The following NRG1 variants were observed in gnomAD, a reference collection of about 807,000 sequenced individuals.
The protein encoded by NRG1 is pro-neuregulin-1, membrane-bound isoform.
Under a neutral mutation model 63.8 loss-of-function variants are expected in NRG1, and 18 were observed. That is an observed-to-expected ratio of 0.28 (90% CI 0.19 to 0.42). The LOEUF (loss-of-function observed/expected upper bound fraction) is 0.42. NRG1 is among the 10% of genes least tolerant of loss of function. The probability of loss-of-function intolerance (pLI) is 1.00; values close to 1 mark genes in which losing one functional copy is unlikely to be tolerated. For synonymous variants in NRG1, 302 were observed against 301.3 expected (o/e 1.00, Z -0.02); for missense variants, 762 against 814.7 (o/e 0.94, Z 0.79).
intron 1 of NRG1, among the ~76,000 whole-genome samples, chr8:32,204,113 A>G (rs989858129): frequency 2.0e-5 from 3 of 152,224 alleles, no homozygotes; most frequent in African/African-American, 7.2e-5. Context: ...GAGAATGGGT[A>G]TGACATGTTT....
chr8:32,426,957 A>G (rs914436210), intron 1 of NRG1, among the ~76,000 whole-genome samples: 4 of 152,072 alleles, frequency 2.6e-5, no homozygotes, highest in Non-Finnish European at 4.4e-5. Context: ...CATTTTCGCA[A>G]CAACATCAGG....
At chr8:31,933,695 ACT>A (rs1445556164) in intron 1 of NRG1, among the ~76,000 whole-genome samples, 2 of 152,068 alleles carry the variant, frequency 1.3e-5, no homozygotes, top group Non-Finnish European at 1.5e-5. Context: ...ATCTGATTCC[ACT>A]CTCTGTGCTC....
At chr8:32,048,318 T>C (rs925686316) in intron 1 of NRG1, among the ~76,000 whole-genome samples, 2 of 149,694 alleles carry the variant, frequency 1.3e-5, no homozygotes, top group East Asian at 3.9e-4. Context: ...TATATGTATG[T>C]ATATACATAT....
At chr8:32,576,115 T>C (rs145832621) in intron 1 of NRG1, among the ~76,000 whole-genome samples, 2 of 152,320 alleles carry the variant, frequency 1.3e-5, no homozygotes, top group African/African-American at 2.4e-5. Context: ...TCATCTCACA[T>C]ACCATTTGTT....
intron 1 of NRG1, among the ~76,000 whole-genome samples, chr8:31,929,962 C>T (rs4506165): frequency 6.6e-6 from 1 of 152,330 alleles, no homozygotes; most frequent in East Asian, 1.9e-4. Context: ...AAGAATTCCT[C>T]TAGGATCTGC....
chr8:32,175,113 C>T (rs1840555229), intron 1 of NRG1, among the ~76,000 whole-genome samples: 1 of 152,178 alleles, frequency 6.6e-6, no homozygotes, highest in Non-Finnish European at 1.5e-5. Context: ...TCCAGCAGCA[C>T]ATCAAAAAGC....
chr8:32,669,190 AG>A (rs1804989030), intron 5 of NRG1, among the ~76,000 whole-genome samples: 1 of 152,182 alleles, frequency 6.6e-6, no homozygotes, highest in Non-Finnish European at 1.5e-5. Flanking sequence ...GGGATTGATA[AG>A]GGAGCTGACA....
intron 7 of NRG1, among the ~76,000 whole-genome samples, chr8:32,751,825 A>G (rs569983616): frequency 6.6e-6 from 1 of 152,282 alleles, no homozygotes; most frequent in Non-Finnish European, 1.5e-5. Context: ...ACCCGTCATC[A>G]TGCACCATAT....
At position 31,726,905 on chromosome 8, in the gene NRG1, A is replaced by G. The variant is rs1446012461; in HGVS notation, c.37+87474A>G. Among the ~76,000 whole-genome samples, 3 of 152,174 alleles carry G rather than the reference A, an allele frequency of 2.0e-5. No individual in the cohort carries two copies. The South Asian group carries it at 6.2e-4, about 31-fold the overall frequency. Reference sequence around the variant, plus strand: ...GGTAGTGTCCAGAGAAGGTCTGGTTATGAGGTGTCAGAAGCCAACACTTGC... The same window carrying G: ...GGTAGTGTCCAGAGAAGGTCTGGTTGTGAGGTGTCAGAAGCCAACACTTGC... On this transcript the variant is annotated intron_variant, in intron 1 of 10. Coordinates refer to the NRG1 transcript ENST00000519301.
At chr8:32,331,721 G>C (rs1016673086) in intron 1 of NRG1, among the ~76,000 whole-genome samples, 2 of 152,140 alleles carry the variant, frequency 1.3e-5, no homozygotes, top group East Asian at 1.9e-4. Flanking sequence ...ACTGGGTTAG[G>C]GGGTGGTTAG....
intron 1 of NRG1, among the ~76,000 whole-genome samples, chr8:31,783,866 A>G (rs1218129181): frequency 6.6e-6 from 1 of 152,224 alleles, no homozygotes; most frequent in Admixed American, 6.5e-5. Context: ...ACTCATAATC[A>G]TAATGGCTAA....
chr8:32,022,637 CATTA>C (rs1816631559), intron 1 of NRG1, among the ~76,000 whole-genome samples: 1 of 152,142 alleles, frequency 6.6e-6, no homozygotes, highest in East Asian at 1.9e-4. Context: ...TTTATTGACA[CATTA>C]ATTGACAACT....
intron 1 of NRG1, among the ~76,000 whole-genome samples, chr8:31,680,248 G>A (rs1397902027): frequency 8.0e-5 from 12 of 150,876 alleles, no homozygotes; most frequent in Non-Finnish European, 1.5e-4. Flanking sequence ...CCACTAACTC[G>A]TCATCTAGCA....
At chr8:31,905,502 T>C (rs912847459) in intron 1 of NRG1, among the ~76,000 whole-genome samples, 1 of 152,200 alleles carries the variant, frequency 6.6e-6, no homozygotes, top group Admixed American at 6.5e-5. Flanking sequence ...GGGTAGATAC[T>C]TTATTAATAG....
intron 1 of NRG1, among the ~76,000 whole-genome samples, chr8:32,296,114 G>C (rs1854833531): frequency 6.6e-6 from 1 of 152,044 alleles, no homozygotes; most frequent in Admixed American, 6.6e-5. Context: ...GCATTAAGGA[G>C]CTCCTGGACA....
intron 1 of NRG1, among the ~76,000 whole-genome samples, chr8:32,019,078 C>T (rs1200656002): frequency 6.6e-6 from 1 of 152,080 alleles, no homozygotes; most frequent in Non-Finnish European, 1.5e-5. Flanking sequence ...TTGGTTTGTT[C>T]ATCTTTCTTA....
At chr8:32,512,031 G>T (rs1318328516) in intron 1 of NRG1, among the ~76,000 whole-genome samples, 3 of 152,030 alleles carry the variant, frequency 2.0e-5, no homozygotes, top group Non-Finnish European at 4.4e-5. Flanking sequence ...ATGTGATCAT[G>T]GGTCATTCCA....
chr8:31,907,562 C>CA (rs1283319970), intron 1 of NRG1, among the ~76,000 whole-genome samples: 1 of 151,984 alleles, frequency 6.6e-6, no homozygotes, highest in Admixed American at 6.6e-5. Flanking sequence ...ATGTAAAACA[C>CA]AAAAAACCCT....
intron 5 of NRG1, among the ~76,000 whole-genome samples, chr8:32,620,918 T>A (rs1314048082): frequency 6.6e-6 from 1 of 152,156 alleles, no homozygotes; most frequent in African/African-American, 2.4e-5. Flanking sequence ...ACCTACTTAA[T>A]ATATTATAAG....
Sources: gnomAD v4.1 joint callset for allele counts (sites outside exome capture counted in the v4.1 genomes callset) on GRCh38, gnomAD v4.1.1 for gene constraint, MANE v1.5 for transcripts, NCBI Gene and HGNC (gene_info 2026-07-23, HGNC 2026-07-21) for gene names.